The following SCMH1 variants were observed in gnomAD, a reference collection of about 807,000 sequenced individuals.
SCMH1 encodes the protein Scm polycomb group protein homolog 1.
In SCMH1, 37 loss-of-function variants were observed where a neutral mutation model predicts 70.8. The ratio of observed to expected loss-of-function variants is 0.52; its 90% CI spans 0.40 to 0.69. SCMH1 has a LOEUF of 0.69. SCMH1 is among the 30% of genes least tolerant of loss of function. SCMH1 has a pLI of 0.00. For synonymous variants in SCMH1, 292 were observed against 307.4 expected (o/e 0.95, Z 0.52); for missense variants, 607 against 827.3 (o/e 0.73, Z 3.27).
At chr1:41,220,030 A>G (rs1658931400) in intron 1 of SCMH1, among the ~76,000 whole-genome samples, 1 of 152,174 alleles carries the variant, frequency 6.6e-6, no homozygotes, top group Non-Finnish European at 1.5e-5. Context: ...TATATTAATC[A>G]ACATAAACTT....
chr1:41,027,931 GAAAT>G (rs1558239095), exon 15 of SCMH1: 2 of 472,278 alleles, frequency 4.2e-6, no homozygotes, highest in African/African-American at 2.0e-5. Context: ...CCAGGGTTGA[GAAAT>G]AAATAGAGGG....
intron 2 of SCMH1, among the ~76,000 whole-genome samples, chr1:41,176,544 T>A (rs1000554352): frequency 5.9e-5 from 9 of 152,174 alleles, no homozygotes; most frequent in Non-Finnish European, 1.0e-4. Context: ...ATCGGGTCAC[T>A]CCCATCCTAA....
intron 7 of SCMH1, among the ~76,000 whole-genome samples, chr1:41,116,406 C>T (rs1263697240): frequency 1.3e-5 from 2 of 152,238 alleles, no homozygotes; most frequent in African/African-American, 4.8e-5. Context: ...CTGCCGCTTA[C>T]TAGCCACGTG....
chr1:41,219,815 C>A (rs1184421273), intron 1 of SCMH1, among the ~76,000 whole-genome samples: 2 of 151,968 alleles, frequency 1.3e-5, no homozygotes, highest in Non-Finnish European at 2.9e-5. Flanking sequence ...CCTGTAATCC[C>A]AGCTACTCGG....
chr1:41,187,827 A>AG lies in SCMH1; in HGVS notation c.-117-1578_-117-1577insC, dbSNP rs1491304188. Among the ~76,000 whole-genome samples, 130 of 147,708 alleles carry AG rather than the reference A, an allele frequency of 8.8e-4. 3 individuals carry two copies. The highest frequency in any genetic ancestry group is 3.1e-3 in the African/African-American group (128 of 40,770). ...CCCCATCTCTACAAAAAAAAAAAAA[A>AG]TATAAAAATTAGCCAGGTGTGGTGG... On this transcript the variant is annotated intron_variant, in intron 1 of 14. Coordinates refer to ENST00000337495, the Ensembl canonical transcript of SCMH1.
At chr1:41,066,008 C>T (rs551151283) in intron 10 of SCMH1, among the ~76,000 whole-genome samples, 2 of 152,280 alleles carry the variant, frequency 1.3e-5, no homozygotes, top group East Asian at 3.9e-4. Flanking sequence ...GCAGCCTACG[C>T]CTCACTTGTG....
At chr1:41,081,382 G>A (rs1659974289) in intron 8 of SCMH1, among the ~76,000 whole-genome samples, 1 of 152,214 alleles carries the variant, frequency 6.6e-6, no homozygotes, top group African/African-American at 2.4e-5. Flanking sequence ...GTGTATGTAT[G>A]CAAATTGACA....
intron 6 of SCMH1, among the ~76,000 whole-genome samples, chr1:41,125,389 T>C (rs1212323813): frequency 6.6e-6 from 1 of 151,906 alleles, no homozygotes; most frequent in Non-Finnish European, 1.5e-5. Context: ...ATAATTTTTG[T>C]ATTTTTTTGT....
chr1:41,182,122 T>C (rs553638942), intron 2 of SCMH1, among the ~76,000 whole-genome samples: 6 of 152,268 alleles, frequency 3.9e-5, no homozygotes, highest in African/African-American at 1.4e-4. Flanking sequence ...CACCGCATGT[T>C]CTCACTCATA....
chr1:41,165,923 C>T (rs1180582883), intron 2 of SCMH1, among the ~76,000 whole-genome samples: 1 of 151,940 alleles, frequency 6.6e-6, no homozygotes, highest in Non-Finnish European at 1.5e-5. Flanking sequence ...ATTGCTTATG[C>T]TTTTGGGTTC....
intron 1 of SCMH1, among the ~76,000 whole-genome samples, chr1:41,236,928 G>A (rs1464565760): frequency 1.3e-5 from 2 of 152,208 alleles, no homozygotes; most frequent in African/African-American, 4.8e-5. Flanking sequence ...ATTAGTTCTA[G>A]CAGTTTACGG....
At position 41,046,672 on chromosome 1, in the gene SCMH1, C is replaced by T. The variant is rs145529745; in HGVS notation, c.1307-74G>A. The T allele has an allele frequency of 4.5e-4, 527 of 1,161,874 alleles. 2 individuals carry two copies. In the East Asian group the frequency reaches 0.011, roughly 24 times the overall value. The allele number at this position is 1,161,874 out of a possible 1,614,324, so 72.0% of individuals were successfully genotyped here. ...ACAGCGCTAGGCAGGACGAGTCCAG[C>T]CCACTGCTTGTCTCAGGCTTACCTG... On this transcript the variant is annotated intron_variant, in intron 11 of 14. Coordinates refer to ENST00000337495, the Ensembl canonical transcript of SCMH1.
chr1:41,048,278 G>A (rs1268609684), intron 11 of SCMH1, among the ~76,000 whole-genome samples: 2 of 152,170 alleles, frequency 1.3e-5, no homozygotes, highest in Non-Finnish European at 2.9e-5. Flanking sequence ...TCTTCTTCTG[G>A]GCCTGGTTTA....
At chr1:41,107,817 C>T (rs541294232) in intron 8 of SCMH1, among the ~76,000 whole-genome samples, 6 of 152,296 alleles carry the variant, frequency 3.9e-5, no homozygotes, top group Non-Finnish European at 8.8e-5. Flanking sequence ...TGCGCCTAGC[C>T]TAGGATTACA....
intron 1 of SCMH1, among the ~76,000 whole-genome samples, chr1:41,234,567 C>A (rs1450312204): frequency 6.8e-6 from 1 of 147,122 alleles, no homozygotes; most frequent in East Asian, 2.0e-4. Context: ...TCCCGCCTCC[C>A]ACGTTCAAGC....
At chr1:41,240,427 A>T (rs137911032) in intron 1 of SCMH1, among the ~76,000 whole-genome samples, 95 of 152,320 alleles carry the variant, frequency 6.2e-4, no homozygotes, top group African/African-American at 2.2e-3. Context: ...GTTCTCTTTC[A>T]TAGTAATTTT....
intron 10 of SCMH1, among the ~76,000 whole-genome samples, chr1:41,069,363 G>A (rs894923963): frequency 6.6e-6 from 1 of 152,160 alleles, no homozygotes; most frequent in Non-Finnish European, 1.5e-5. Context: ...ATGCTATTTA[G>A]ATACAGAGGT....
chr1:41,200,507 TA>T (rs1654090240), intron 1 of SCMH1, among the ~76,000 whole-genome samples: 7 of 147,054 alleles, frequency 4.8e-5, no homozygotes, highest in Admixed American at 6.8e-5. Flanking sequence ...GTAATAATAA[TA>T]ATAATAATAT....
At chr1:41,107,049 A>C (rs564425461) in intron 8 of SCMH1, among the ~76,000 whole-genome samples, 3 of 150,930 alleles carry the variant, frequency 2.0e-5, no homozygotes, top group Non-Finnish European at 4.4e-5. Context: ...GCCCTACACT[A>C]ATCTGTTTCC....
Sources: allele counts gnomAD v4.1 joint callset (sites outside exome capture counted in the v4.1 genomes callset), GRCh38; gene constraint gnomAD v4.1.1; transcripts MANE v1.5; gene names NCBI Gene and HGNC (gene_info 2026-07-23, HGNC 2026-07-21).